CSF2RB: variants seen among roughly 807,000 people sequenced by gnomAD.
The protein encoded by CSF2RB is colony stimulating factor 2 receptor subunit beta.
Under a neutral mutation model 67.2 loss-of-function variants are expected in CSF2RB, and 22 were observed. The observed-to-expected ratio is 0.33, with a 90% CI of 0.23 to 0.47. The LOEUF (loss-of-function observed/expected upper bound fraction) is 0.47. Ranked by LOEUF, CSF2RB falls within the 20% of genes least tolerant of loss-of-function variation. The pLI is 1.00. For synonymous variants in CSF2RB, 507 were observed against 482.9 expected (o/e 1.05, Z -0.65); for missense variants, 1,113 against 1,174.5 (o/e 0.95, Z 0.76).
intron 1 of CSF2RB, among the ~76,000 whole-genome samples, chr22:36,916,435 C>G (rs756958702): frequency 6.6e-6 from 1 of 152,184 alleles, no homozygotes; most frequent in Non-Finnish European, 1.5e-5. Flanking sequence ...CCTATTACAT[C>G]CTAGGCTTCT....
chr22:36,915,388 A>G (rs1455057317), intron 1 of CSF2RB, among the ~76,000 whole-genome samples: 1 of 150,826 alleles, frequency 6.6e-6, no homozygotes, highest in African/African-American at 2.4e-5. Context: ...CCAGGATGGT[A>G]GTTTTTCTTT....
chr22:36,918,283 A>C (rs921042764), intron 1 of CSF2RB, among the ~76,000 whole-genome samples: 1 of 152,234 alleles, frequency 6.6e-6, no homozygotes, highest in African/African-American at 2.4e-5. Flanking sequence ...GTCAAAGAAA[A>C]CTTGGCATTT....
In CSF2RB at chr22:36,935,533, G is replaced by A. The variant is rs374462849; in HGVS notation, c.1406+92G>A. On this transcript the variant is annotated intron_variant, in intron 11 of 13. Transcript: ENST00000403662. ...AGCTCCCTCCAGGCCCTGCTCTGCC[G>A]CTCCCTTCCTGGGCCTCAGTTTCCC... 30 of 1,604,340 alleles carry A rather than the reference G, an allele frequency of 1.9e-5. 1 individual carries two copies. The highest frequency in any genetic ancestry group is 1.5e-4 in the South Asian group (14 of 90,738).
Position 36,939,368 on chromosome 22 carries a change from T to C in CSF2RB, c.*866T>C. 5 of 680,280 alleles carry C rather than the reference T, an allele frequency of 7.3e-6. No homozygotes were observed. In the South Asian group the frequency reaches 7.7e-5, roughly 11 times the overall value. 42.1% of individuals were successfully genotyped at this position (680,280 alleles called of 1,614,324 possible). A position where few individuals can be genotyped will look rare whatever the true frequency, so the allele number is the denominator to read the frequency against. On this transcript the variant is annotated 3_prime_UTR_variant, in exon 14 of 14. Transcript: ENST00000403662. ...GGGGAAACTGCCAAACAAAGGAAAA[T>C]GCCCCAAAGGCATATATGCTTTAGG...
In CSF2RB at chr22:36,926,091, G is replaced by C. The variant is rs1314905902; in HGVS notation, c.305G>C (p.Ser102Thr). The C allele has an allele frequency of 1.2e-6, 2 of 1,614,224 alleles. No individual in the cohort carries two copies. Among genetic ancestry groups the C allele is most frequent in the Non-Finnish European group, 1.7e-6 (2 of 1,180,040 alleles). The change falls in exon 4 of 14, where the codon AGT becomes ACT. Residue 102 changes from serine (S) to threonine (T), a missense_variant. Ser to Thr is a moderately conservative substitution (Grantham distance 58, BLOSUM62 1). This residue lies in a region of CSF2RB where 559 missense variants were observed against 656.5 expected (regional missense o/e 0.85). Coordinates refer to ENST00000403662, the MANE Select transcript of CSF2RB (RefSeq NM_000395.3). Reference sequence around the variant, plus strand: ...AGGAGATGTGTCATTCCCTGCCAGAGTTTTGTCGTCACTGACGTTGACTAC... The same window carrying C: ...AGGAGATGTGTCATTCCCTGCCAGACTTTTGTCGTCACTGACGTTGACTAC... ...VPRRCVIPCQ[S>T]FVVTDVDYFS...
chr22:36,918,176 T>C (rs1456876500), intron 1 of CSF2RB, among the ~76,000 whole-genome samples: 1 of 152,202 alleles, frequency 6.6e-6, no homozygotes, highest in African/African-American at 2.4e-5. Flanking sequence ...CTTGGATTTT[T>C]TTTTCCTGAA....
chr22:36,929,493 C>G lies in CSF2RB; in HGVS notation c.483C>G (p.Ser161Arg). ...GTGTGGCCCTTGGGAGTCCCCAGAG[C>G]CACTGGTTGTCCCCAGGGGATCTGG... is the stretch of plus-strand genomic sequence containing the variant. ...TWSVALGSPQ[S>R]HWLSPGDLEF... The change falls in exon 5 of 14, where the codon AGC becomes AGG. Residue 161 changes from serine to arginine, a missense_variant. Physicochemically the swap from Ser to Arg is moderately radical, Grantham distance 110 (BLOSUM62 -1). Coordinates refer to ENST00000403662, the MANE Select transcript of CSF2RB (RefSeq NM_000395.3). 1 of 1,614,238 alleles carries G rather than the reference C, an allele frequency of 6.2e-7. No homozygotes were observed.
Position 36,933,945 on chromosome 22 carries a change from C to A in CSF2RB, c.1266C>A (p.Asn422Lys). ...TCAGGACCTCCCGCACCGGCTACAA[C>A]GGGATCTGGAGCGAGTGGAGTGAGG... ...VRVRTSRTGY[N>K]GIWSEWSEAR... The change falls in exon 10 of 14, where the codon AAC (asparagine) becomes AAA (lysine). Residue 422 changes from asparagine (N) to lysine (K), a missense_variant. This residue lies in a region of CSF2RB where 559 missense variants were observed against 656.5 expected (regional missense o/e 0.85). Transcript: ENST00000403662. 1 of 1,612,808 alleles carries A rather than the reference C, an allele frequency of 6.2e-7. No homozygotes were observed.
At chr22:36,918,573 C>G (rs1036770481) in intron 1 of CSF2RB, among the ~76,000 whole-genome samples, 2 of 152,166 alleles carry the variant, frequency 1.3e-5, no homozygotes, top group East Asian at 1.9e-4. Flanking sequence ...AGCCTCCCCC[C>G]TTGAATACAG....
In CSF2RB at chr22:36,932,261, C is replaced by A. The variant is rs565117174; in HGVS notation, c.1013-504C>A. Reference sequence around the variant, plus strand: ...ACCAGCCTGGCCAACATGGTGAAACCCCGTCTCCACTGAAAATACAAAAAT... The same window carrying A: ...ACCAGCCTGGCCAACATGGTGAAACACCGTCTCCACTGAAAATACAAAAAT... On this transcript the variant is annotated intron_variant, in intron 8 of 13. Coordinates refer to ENST00000403662, the MANE Select transcript of CSF2RB (RefSeq NM_000395.3). Among the ~76,000 whole-genome samples, 9 of 152,130 alleles carry A rather than the reference C, an allele frequency of 5.9e-5. No individual in the cohort carries two copies. The East Asian group carries it at 1.7e-3, about 29-fold the overall frequency.
At chr22:36,918,601 A>C (rs2145770644) in intron 1 of CSF2RB, among the ~76,000 whole-genome samples, 1 of 152,320 alleles carries the variant, frequency 6.6e-6, no homozygotes, top group Non-Finnish European at 1.5e-5. Context: ...ACTGTCTTTG[A>C]AAAATATTTT....
chr22:36,939,268 G>A lies in CSF2RB; in HGVS notation c.*766G>A. ...TCATGTAGAGAAGTTAACGGCCCAA[G>A]TGGTGGGCAGGCTGGCGGGACCTGG... On this transcript the variant is annotated 3_prime_UTR_variant, in exon 14 of 14. Transcript: ENST00000403662. 2.8e-6 allele frequency: 2 copies of A among 702,256 alleles called. No homozygotes were observed. The highest frequency in any genetic ancestry group is 5.2e-6 in the Non-Finnish European group (2 of 384,818). The allele number at this position is 702,256 out of a possible 1,614,324, so 43.5% of individuals were successfully genotyped here.
At position 36,936,671 on chromosome 22, in the gene CSF2RB, C is replaced by G; in HGVS notation, c.1568+19C>G. On this transcript the variant is annotated intron_variant, in intron 13 of 13. Transcript: ENST00000403662. ...TGGAGGGGTGAGTGGGCTCGTGGAT[C>G]ACTCCTGACCTTTGGGGTTCATACG... 3 of 1,597,868 alleles carry G rather than the reference C, an allele frequency of 1.9e-6. No individual in the cohort carries two copies. Among genetic ancestry groups the G allele is most frequent in the Non-Finnish European group, 2.6e-6 (3 of 1,167,846 alleles).
At chr22:36,924,561 G>A (rs1027698098) in intron 3 of CSF2RB, among the ~76,000 whole-genome samples, 9 of 152,156 alleles carry the variant, frequency 5.9e-5, no homozygotes, top group Non-Finnish European at 8.8e-5. Flanking sequence ...ATTCCCTAAA[G>A]AGTTGTCCAC....
chr22:36,916,855 A>G (rs534154337), intron 1 of CSF2RB, among the ~76,000 whole-genome samples: 1 of 152,104 alleles, frequency 6.6e-6, no homozygotes, highest in East Asian at 1.9e-4. Flanking sequence ...TGAGACTCCA[A>G]CTCAAAAATA....
At position 36,926,000 on chromosome 22, in the gene CSF2RB, C is replaced by T; in HGVS notation, c.214C>T (p.Pro72Ser). 1 of 1,614,228 alleles carries T rather than the reference C, an allele frequency of 6.2e-7. No homozygotes were observed. The highest frequency in any genetic ancestry group is 1.1e-5 in the South Asian group (1 of 91,084). Residue 72 changes from proline to serine, a missense_variant, in exon 4 of 14, where the codon CCA becomes TCA. Pro to Ser is a moderately conservative substitution (Grantham distance 74, BLOSUM62 -1). Transcript: ENST00000403662. ...CTCTCCCAACAGGGACCTCCTGGAG[C>T]CAGTGTCCTGTGACCTCAGTGATGA... is the stretch of plus-strand genomic sequence containing the variant. ...IRRVNEDLLE[P>S]VSCDLSDDMP...
rs757112766 is a variant in CSF2RB at position 36,936,563 on chromosome 22, G to A, written c.1479G>A (p.Glu493=). 5 of 1,612,914 alleles carry A rather than the reference G, an allele frequency of 3.1e-6. No individual in the cohort carries two copies. The highest frequency in any genetic ancestry group is 4.2e-6 in the Non-Finnish European group (5 of 1,179,998). Residue 493 remains glutamate, a synonymous_variant, in exon 13 of 14, where the codon GAG becomes GAA. Coordinates refer to ENST00000403662, the MANE Select transcript of CSF2RB (RefSeq NM_000395.3). The part of the protein sequence containing the change: ...KSHLFQNGSA[E]LWPPGSMSAF... ...TGCTCTTGCAGAACGGGAGCGCAGAGCTTTGGCCCCCAGGCAGCATGTCGG... is the reference window on the plus strand; with the variant it reads ...TGCTCTTGCAGAACGGGAGCGCAGAACTTTGGCCCCCAGGCAGCATGTCGG...
rs1941333598 is a variant in CSF2RB, at chr22:36,938,969, T to G, written c.*467T>G. ...TGTCCCCGGCAGTCGCTGATGCACA[T>G]GACATGATTCTCATCTGGGTGCAGA... On this transcript the variant is annotated 3_prime_UTR_variant, in exon 14 of 14. Coordinates refer to ENST00000403662, the MANE Select transcript of CSF2RB (RefSeq NM_000395.3). 1 of 605,918 alleles carries G rather than the reference T, an allele frequency of 1.7e-6. No homozygotes were observed. Among genetic ancestry groups the G allele is most frequent in the South Asian group, 1.9e-5 (1 of 52,294 alleles). 37.5% of individuals were successfully genotyped at this position (605,918 alleles called of 1,614,324 possible).
In CSF2RB at chr22:36,937,782, G is replaced by A. The variant is rs759919346; in HGVS notation, c.1974G>A (p.Pro658=). The change falls in exon 14 of 14, where the codon CCG becomes CCA. Residue 658 remains proline (P), a synonymous_variant. Transcript: ENST00000403662. The surrounding 1 kb of genome is among the most constrained non-coding windows in gnomAD (Gnocchi z 4.6). ...PGQAVEVERR[P]SQGAAGSPSL... ...AGGCCGTGGAAGTGGAGAGAAGGCC[G>A]AGCCAGGGGGCTGCAGGGAGTCCCT... 1.3e-5 allele frequency: 21 copies of A among 1,583,574 alleles called. No homozygotes were observed. The highest frequency in any genetic ancestry group is 3.4e-5 in the South Asian group (3 of 87,964).
Sources: allele counts gnomAD v4.1 joint callset (sites outside exome capture counted in the v4.1 genomes callset), GRCh38; gene constraint gnomAD v4.1.1; regional missense constraint gnomAD v4.1.1; non-coding constraint Gnocchi (gnomAD v3.1); transcripts MANE v1.5; gene names NCBI Gene and HGNC (gene_info 2026-07-23, HGNC 2026-07-21).